PIWIL1: variants seen among roughly 807,000 people sequenced by gnomAD.
PIWIL1 encodes the protein piwi-like protein 1.
In PIWIL1, 73 loss-of-function variants were observed where a neutral mutation model predicts 114.4. The ratio of observed to expected loss-of-function variants is 0.64; its 90% CI spans 0.53 to 0.78. PIWIL1 has a LOEUF of 0.78. Ranked by LOEUF, PIWIL1 falls within the 30% of genes least tolerant of loss-of-function variation. The pLI is 0.00. For synonymous variants in PIWIL1, 375 were observed against 369.0 expected (o/e 1.02, Z -0.19); for missense variants, 723 against 1,063.1 (o/e 0.68, Z 4.45).
the PIWIL1 span, chr12:130,419,606 A>C: frequency 6.6e-6 from 1 of 152,218 alleles, no homozygotes; most frequent in Non-Finnish European, 1.5e-5. The surrounding 1 kb of genome is among the most constrained non-coding windows in gnomAD (Gnocchi z 4.3). Flanking sequence ...TTGTCAATAG[A>C]GTTACTAATG....
At chr12:130,381,349 G>A in the PIWIL1 span, among the ~76,000 whole-genome samples, 2 of 151,998 alleles carry the variant, frequency 1.3e-5, no homozygotes, top group South Asian at 2.1e-4. Context: ...CCTCCAACCC[G>A]TTGTAACCAC....
chr12:130,413,481 A>T, the PIWIL1 span, among the ~76,000 whole-genome samples: 1 of 151,908 alleles, frequency 6.6e-6, no homozygotes, highest in African/African-American at 2.4e-5. Flanking sequence ...AATGCAAAAA[A>T]ATTTAGCTGG....
At chr12:130,355,488 T>C (rs1202333055) in intron 11 of PIWIL1, 65 bp from the exon 12 acceptor site, 1 of 1,189,208 alleles carries the variant, frequency 8.4e-7, no homozygotes, top group Non-Finnish European at 1.3e-6. Context: ...AGTGGATATC[T>C]GTTTGACTGT....
At chr12:130,355,159 A>C (rs1480971205) in intron 11 of PIWIL1, among the ~76,000 whole-genome samples, 154 bp downstream of exon 11, 1 of 151,980 alleles carries the variant, frequency 6.6e-6, no homozygotes, top group African/African-American at 2.4e-5. Context: ...GTTTCTAAGC[A>C]AGGCTACCTA....
At position 130,347,078 on chromosome 12, in the gene PIWIL1, C is replaced by T; in HGVS notation, c.653+16C>T. The stretch of plus-strand genomic sequence containing the variant: ...TTTTCAGGAGGTATGTGTTTTATTT[C>T]AACATTTTATTAAGAAAACAGCAAA... On this transcript the variant is annotated intron_variant, in intron 6 of 20. Transcript: ENST00000245255. The T allele has an allele frequency of 1.3e-6, 2 of 1,568,704 alleles. No individual in the cohort carries two copies. Among genetic ancestry groups the T allele is most frequent in the Non-Finnish European group, 1.7e-6 (2 of 1,147,254 alleles).
At chr12:130,424,299 G>A in the PIWIL1 span, 1 of 1,231,660 alleles carries the variant, frequency 8.1e-7, no homozygotes, top group Non-Finnish European at 1.0e-6. This position sits in a 1 kb window ranked among gnomAD's most constrained non-coding sequence, Gnocchi z 9.8. Flanking sequence ...CTCCGGGCCG[G>A]GCTGGGGGTC....
the PIWIL1 span, chr12:130,397,475 C>T: frequency 1.0e-5 from 4 of 399,024 alleles, no homozygotes; most frequent in Admixed American, 4.4e-5. Flanking sequence ...CCATAGATGA[C>T]GTAGGTGACC....
chr12:130,387,993 A>G, the PIWIL1 span, among the ~76,000 whole-genome samples: 1 of 152,244 alleles, frequency 6.6e-6, no homozygotes, highest in African/African-American at 2.4e-5. Context: ...ATAACTTTAA[A>G]TCTCTAGAGT....
chr12:130,349,817 A>T, intron 8 of PIWIL1, 39 bp from the exon 9 acceptor site: 1 of 1,154,932 alleles, frequency 8.7e-7, no homozygotes, highest in Non-Finnish European at 1.3e-6. Flanking sequence ...AGTTCTTCAC[A>T]TTTCCATCAA....
downstream of PIWIL1, among the ~76,000 whole-genome samples, chr12:130,374,385 GA>G (rs1353644880): frequency 6.6e-6 from 1 of 152,186 alleles, no homozygotes; most frequent in African/African-American, 2.4e-5. Context: ...TCAGATACAA[GA>G]TTTCAAAAGC....
At chr12:130,345,131 T>C (rs542353327) in intron 3 of PIWIL1, among the ~76,000 whole-genome samples, 66 of 152,356 alleles carry the variant, frequency 4.3e-4, no homozygotes, top group African/African-American at 1.6e-3. Flanking sequence ...TAGGTTCTTA[T>C]AACCACAGCT....
chr12:130,367,184 T>G lies in PIWIL1; in HGVS notation c.2247T>G (p.Phe749Leu), dbSNP rs1188232148. 3 of 1,613,992 alleles carry G rather than the reference T, an allele frequency of 1.9e-6. No individual in the cohort carries two copies. ...AGAAAAGAGTGAACACCAGATTTTTTGCTCAGTCTGGAGGAAGACTTCAGA... is the reference window on the plus strand; with the variant it reads ...AGAAAAGAGTGAACACCAGATTTTTGGCTCAGTCTGGAGGAAGACTTCAGA... ...VVKKRVNTRFFAQSGGRLQNP... is the reference protein window; with the variant it reads ...VVKKRVNTRFLAQSGGRLQNP... The change falls in exon 19 of 21, where the codon TTT becomes TTG. Residue 749 changes from phenylalanine (F) to leucine (L), a missense_variant. This residue lies in a region of PIWIL1 where 106 missense variants were observed against 182.8 expected (regional missense o/e 0.58). Coordinates refer to ENST00000245255, the MANE Select transcript of PIWIL1 (RefSeq NM_004764.5).
At chr12:130,405,319 C>G in the PIWIL1 span, among the ~76,000 whole-genome samples, 1 of 152,136 alleles carries the variant, frequency 6.6e-6, no homozygotes, top group Admixed American at 6.5e-5. Flanking sequence ...GAGGAGAGAG[C>G]CTGGGAATCC....
At chr12:130,413,840 C>G in the PIWIL1 span, among the ~76,000 whole-genome samples, 42 of 152,158 alleles carry the variant, frequency 2.8e-4, 1 homozygote, top group South Asian at 1.2e-3. Flanking sequence ...AAATTTGGAG[C>G]CTGTGTTATT....
In PIWIL1 at chr12:130,367,079, G is replaced by A. The variant is rs77071112; in HGVS notation, c.2196-54G>A. On this transcript the variant is annotated intron_variant, in intron 18 of 20. Coordinates refer to ENST00000245255, the MANE Select transcript of PIWIL1 (RefSeq NM_004764.5). ...AGCATGTGAACACCTGAATGAATGA[G>A]TGCCCTGAAAATATGACTGGCTAAA... 1.3e-4 allele frequency: 205 copies of A among 1,602,114 alleles called. No homozygotes were observed. The East Asian group carries it at 3.1e-3, about 24-fold the overall frequency.
chr12:130,395,929 G>T, the PIWIL1 span, among the ~76,000 whole-genome samples: 1 of 151,572 alleles, frequency 6.6e-6, no homozygotes, highest in Non-Finnish European at 1.5e-5. Flanking sequence ...ATGACCTTTT[G>T]TCACTGACTG....
the PIWIL1 span, chr12:130,399,232 GATGAA>G: frequency 9.1e-6 from 8 of 883,570 alleles, no homozygotes; most frequent in East Asian, 1.1e-4. Context: ...AACTTGCAGT[GATGAA>G]ATAAAATAAA....
At chr12:130,354,215 A>G (rs1396075469) in intron 9 of PIWIL1, among the ~76,000 whole-genome samples, 1 of 152,170 alleles carries the variant, frequency 6.6e-6, no homozygotes, top group African/African-American at 2.4e-5. Context: ...GCAGAGTTAC[A>G]CAGACTACTG....
the PIWIL1 span, among the ~76,000 whole-genome samples, chr12:130,390,903 CG>C: frequency 6.6e-6 from 1 of 152,172 alleles, no homozygotes; most frequent in Non-Finnish European, 1.5e-5. Context: ...TCTCCAGGAC[CG>C]GTGCCTGCAC....
Sources: allele counts gnomAD v4.1 joint callset (sites outside exome capture counted in the v4.1 genomes callset), GRCh38; gene constraint gnomAD v4.1.1; regional missense constraint gnomAD v4.1.1; non-coding constraint Gnocchi (gnomAD v3.1); transcripts MANE v1.5; gene names NCBI Gene and HGNC (gene_info 2026-07-23, HGNC 2026-07-21).